The following ERBIN variants were observed in gnomAD, a reference collection of about 807,000 sequenced individuals.
The protein encoded by ERBIN is densin-180-like protein.
ERBIN carries 60 observed loss-of-function variants against 158.4 expected under a neutral mutation model. The observed-to-expected ratio is 0.38, with a 90% confidence interval of 0.31 to 0.47. The LOEUF (loss-of-function observed/expected upper bound fraction) is 0.47, where lower values mean the gene tolerates loss of function less well. Ranked by LOEUF, ERBIN falls within the 20% of genes least tolerant of loss-of-function variation. The pLI is 0.99. For synonymous variants in ERBIN, 594 were observed against 557.2 expected, an observed-to-expected ratio of 1.07 and a Z score of -0.93; for missense variants, 1,610 against 1,648.0, an observed-to-expected ratio of 0.98 and a Z score of 0.40.
chr5:66,010,681 A>C (rs1754107315), intron 4 of ERBIN, among the ~76,000 whole-genome samples: 1 of 152,168 alleles, frequency 6.6e-6, no homozygotes, highest in Admixed American at 6.5e-5. Flanking sequence ...ATGAAGTTGA[A>C]AGGGTCTGAA....
chr5:66,060,784 T>C lies in ERBIN; in HGVS notation c.3633+5833T>C, dbSNP rs180686741. The stretch of plus-strand genomic sequence containing the variant: ...CAAAGAACATCTTTTTTTTCTACCT[T>C]CATTTCGTTAGGTACCCAGTAGTCA... On this transcript the variant is annotated intron_variant, in intron 21 of 25. Transcript: ENST00000284037. Among the ~76,000 whole-genome samples the C allele has an allele frequency of 1.8e-3, 272 of 152,292 alleles. 1 individual carries two copies. The highest frequency in any genetic ancestry group is 6.4e-3 in the African/African-American group (264 of 41,564).
chr5:66,062,482 T>A (rs1248755505), intron 21 of ERBIN, among the ~76,000 whole-genome samples: 1 of 152,192 alleles, frequency 6.6e-6, no homozygotes, highest in Non-Finnish European at 1.5e-5. Flanking sequence ...TTGCCATTGG[T>A]TTGAACTTCC....
At chr5:66,028,463 T>C in intron 14 of ERBIN, 120 bp downstream of exon 14, 2 of 534,252 alleles carry the variant, frequency 3.7e-6, no homozygotes, top group Non-Finnish European at 6.3e-6. Context: ...TAAACATATC[T>C]TTTATATAAG....
At chr5:65,958,547 T>C (rs1321641399) in intron 1 of ERBIN, among the ~76,000 whole-genome samples, 2 of 149,438 alleles carry the variant, frequency 1.3e-5, no homozygotes, top group Non-Finnish European at 3.0e-5. Context: ...GGCAGGGAGG[T>C]TGCAGTGAGC....
rs1208843357 is a variant in ERBIN, at chr5:66,021,486, CT to C, written c.597+109del. The C allele has an allele frequency of 4.0e-5, 35 of 871,746 alleles. No individual in the cohort carries two copies. In the East Asian group the frequency reaches 6.3e-4, roughly 16 times the overall value. 54.0% of individuals were successfully genotyped at this position (871,746 alleles called of 1,614,324 possible). A position where few individuals can be genotyped will look rare whatever the true frequency, so the allele number is the denominator to read the frequency against. On this transcript the variant is annotated intron_variant, in intron 8 of 25. Coordinates refer to ENST00000284037, the MANE Select transcript of ERBIN (RefSeq NM_001253697.2). ...CTCTTACAAATTGGATAAAGGTTTA[CT>C]TTTTTTTCTTAGTTACAAGATATGA...
chr5:65,948,782 G>A (rs922121508), intron 1 of ERBIN, among the ~76,000 whole-genome samples: 5 of 22,718 alleles, frequency 2.2e-4, no homozygotes, highest in Admixed American at 4.0e-4. Flanking sequence ...TTTTTTTTTT[G>A]AGACAGAGTC....
rs752833381 is a variant in ERBIN at position 66,054,554 on chromosome 5, G to C, written c.3236G>C (p.Ser1079Thr). The change falls in exon 21 of 26, where the codon AGT becomes ACT. Residue 1079 changes from serine (S) to threonine (T), a missense_variant. By Grantham distance (58) the Ser-to-Thr change is moderately conservative. Coordinates refer to ENST00000284037, the MANE Select transcript of ERBIN (RefSeq NM_001253697.2). ...VTRSTIQRQS[S>T]VSSTASVNLG... is the part of the protein sequence containing the mutation. Reference sequence around the variant, plus strand: ...CGAAGTACAATCCAGCGACAAAGTAGTGTGTCCTCCACAGCCTCTGTAAAT... The same window carrying C: ...CGAAGTACAATCCAGCGACAAAGTACTGTGTCCTCCACAGCCTCTGTAAAT... 1 of 1,614,148 alleles carries C rather than the reference G, an allele frequency of 6.2e-7. No homozygotes were observed. The highest frequency in any genetic ancestry group is 8.5e-7 in the Non-Finnish European group (1 of 1,180,020).
At chr5:65,982,946 A>G (rs541724875) in intron 1 of ERBIN, among the ~76,000 whole-genome samples, 1 of 152,318 alleles carries the variant, frequency 6.6e-6, no homozygotes, top group South Asian at 2.1e-4. Context: ...TTGTAGGGTG[A>G]TGGAAATGTT....
chr5:65,996,711 CTT>C (rs2151061684), intron 4 of ERBIN, among the ~76,000 whole-genome samples: 1 of 152,214 alleles, frequency 6.6e-6, no homozygotes, highest in African/African-American at 2.4e-5. Context: ...CTGTAGACCA[CTT>C]TGGGTAGTAT....
intron 21 of ERBIN, among the ~76,000 whole-genome samples, chr5:66,065,432 T>C (rs1183342132): frequency 6.6e-6 from 1 of 152,212 alleles, no homozygotes; most frequent in Admixed American, 6.5e-5. Context: ...ATTTATTATT[T>C]TAAGGCAGGA....
chr5:66,082,355 T>A lies in ERBIN; in HGVS notation c.*3825T>A, dbSNP rs1450249275. ...AAAAAGAATCCTTCTGTTACAACTT[T>A]CTTTTCTAATGTAACAACCAGGGAC... On this transcript the variant is annotated 3_prime_UTR_variant, in exon 26 of 26. Coordinates refer to ENST00000284037, the MANE Select transcript of ERBIN (RefSeq NM_001253697.2). 2.6e-5 allele frequency: 4 copies of A among 152,188 alleles called. No homozygotes were observed. Among genetic ancestry groups the A allele is most frequent in the African/African-American group, 7.2e-5 (3 of 41,458 alleles). 9.4% of individuals were successfully genotyped at this position (152,188 alleles called of 1,614,324 possible). A position where few individuals can be genotyped will look rare whatever the true frequency, so the allele number is the denominator to read the frequency against.
Position 66,054,916 on chromosome 5 carries a change from G to GTC in ERBIN, c.3599_3600insCT (p.Leu1201TyrfsTer10). On this transcript the variant is annotated frameshift_variant, in exon 21 of 26. Coordinates refer to ENST00000284037, the MANE Select transcript of ERBIN (RefSeq NM_001253697.2). LOFTEE classifies it high-confidence loss of function. ...AGTTCCTCGTGACTGGAGAGAACAA[G>GTC]TACTTCGACATATTGAAGCCAAAAA... The GTC allele has an allele frequency of 6.3e-7, 1 of 1,598,698 alleles. No homozygotes were observed. Among genetic ancestry groups the GTC allele is most frequent in the South Asian group, 1.1e-5 (1 of 89,684 alleles).
intron 13 of ERBIN, among the ~76,000 whole-genome samples, chr5:66,027,288 A>G (rs1479751363): frequency 6.6e-6 from 1 of 151,552 alleles, no homozygotes; most frequent in African/African-American, 2.4e-5. Context: ...TTTTATTTAA[A>G]AGAACCACTG....
At chr5:65,974,191 T>TA (rs1749597023) in intron 1 of ERBIN, among the ~76,000 whole-genome samples, 1 of 152,056 alleles carries the variant, frequency 6.6e-6, no homozygotes, top group South Asian at 2.1e-4. Flanking sequence ...CATATGTATA[T>TA]AAGTGTTTTC....
chr5:65,970,952 C>G (rs1043897856), intron 1 of ERBIN, among the ~76,000 whole-genome samples: 1 of 152,204 alleles, frequency 6.6e-6, no homozygotes, highest in Non-Finnish European at 1.5e-5. Context: ...GTGTTCAGCA[C>G]CTAGTAGTAA....
At chr5:65,938,371 CTT>C (rs4019046) in intron 1 of ERBIN, among the ~76,000 whole-genome samples, 9,008 of 121,614 alleles carry the variant, frequency 0.074, 304 homozygotes, top group Middle Eastern at 0.11. Flanking sequence ...AGGCATAGGT[CTT>C]TTTTTTTTTT....
At chr5:65,927,901 A>AG (rs1206349878) in intron 1 of ERBIN, among the ~76,000 whole-genome samples, 1 of 152,102 alleles carries the variant, frequency 6.6e-6, no homozygotes, top group Non-Finnish European at 1.5e-5. Context: ...TTTTCTGTTT[A>AG]CTTTTTTTCC....
intron 4 of ERBIN, among the ~76,000 whole-genome samples, chr5:66,007,127 T>A (rs924212632): frequency 1.3e-5 from 2 of 152,234 alleles, no homozygotes; most frequent in South Asian, 4.1e-4. Context: ...TAGCAAAGAC[T>A]TGGAACCAAC....
chr5:65,974,292 T>C (rs1452301567), intron 1 of ERBIN, among the ~76,000 whole-genome samples: 1 of 152,224 alleles, frequency 6.6e-6, no homozygotes, highest in Admixed American at 6.5e-5. Flanking sequence ...TTGAGAACCA[T>C]TGATGTTATG....
Sources: gnomAD v4.1 joint callset for allele counts (sites outside exome capture counted in the v4.1 genomes callset) on GRCh38, gnomAD v4.1.1 for gene constraint, MANE v1.5 for transcripts, NCBI Gene and HGNC (gene_info 2026-07-23, HGNC 2026-07-21) for gene names.